Variants in ADGRD2 observed in about 807,000 individuals in gnomAD.
The protein encoded by ADGRD2 is G protein-coupled receptor PGR24.
Under a neutral mutation model 44.4 loss-of-function variants are expected in ADGRD2, and 71 were observed. The observed-to-expected ratio is 1.60, with a 90% CI of 1.32 to 1.95. ADGRD2 has a LOEUF of 1.95. ADGRD2 is among the 30% of genes most tolerant of loss of function. The probability of loss-of-function intolerance (pLI) is 0.00; values close to 1 mark genes in which losing one functional copy is unlikely to be tolerated. For synonymous variants in ADGRD2, 481 were observed against 224.8 expected (o/e 2.14, Z -10.19); for missense variants, 1,039 against 512.4 (o/e 2.03, Z -9.92).
chr9:124,473,267 C>A (rs979424599), intron 17 of ADGRD2, among the ~76,000 whole-genome samples: 1 of 152,242 alleles, frequency 6.6e-6, no homozygotes, highest in African/African-American at 2.4e-5. Flanking sequence ...CTCATTCACT[C>A]TCTAGGAGTA....
chr9:124,474,671 A>G (rs1037059086), intron 17 of ADGRD2, among the ~76,000 whole-genome samples: 1 of 152,122 alleles, frequency 6.6e-6, no homozygotes, highest in Non-Finnish European at 1.5e-5. Context: ...TGCCTGTGAC[A>G]CTGCCTAGGA....
intron 21 of ADGRD2, chr9:124,477,061 G>T (rs1332723440): frequency 1.8e-6 from 1 of 553,168 alleles, no homozygotes; most frequent in East Asian, 4.6e-5. Context: ...TGCCCCCTAA[G>T]CCCAGCACCC....
intron 17 of ADGRD2, among the ~76,000 whole-genome samples, 196 bp downstream of exon 20, chr9:124,470,810 G>A (rs547144576): frequency 2.6e-4 from 39 of 152,348 alleles, no homozygotes; most frequent in African/African-American, 3.8e-4. Context: ...CCAGCGGTTC[G>A]TGCAGGAGGC....
chr9:124,460,388 A>ATAT (rs33991643), intron 10 of ADGRD2, among the ~76,000 whole-genome samples: 138 of 145,172 alleles, frequency 9.5e-4, no homozygotes, highest in African/African-American at 2.2e-3. Flanking sequence ...ATATATATAT[A>ATAT]TTTTTTTTTA....
chr9:124,458,174 A>G (rs1201563531), exon 9 of ADGRD2: 1 of 718,338 alleles, frequency 1.4e-6, no homozygotes, highest in African/African-American at 1.7e-5. Flanking sequence ...AGCACACCCT[A>G]GAGGGACCGG....
At chr9:124,458,697 C>A in exon 10 of ADGRD2, 1 of 718,608 alleles carries the variant, frequency 1.4e-6, no homozygotes, top group Non-Finnish European at 2.6e-6. Flanking sequence ...TGGCCATGAC[C>A]TTTCATCTCC....
chr9:124,475,371 A>C, intron 17 of ADGRD2, 75 bp from the exon 21 acceptor site: 1 of 672,296 alleles, frequency 1.5e-6, no homozygotes, highest in Non-Finnish European at 2.7e-6. Context: ...AGGCGCCGGG[A>C]CCCCAGGCAA....
rs1211753024 is a variant in ADGRD2 at position 124,458,319 on chromosome 9, T to C, written c.1764+83T>C. On this transcript the variant is annotated intron_variant, in intron 9 of 21. Transcript: ENST00000334810. ...CAAAGCCCCCGTTCTGGTGGGCGCATGTGTCCTTAGCAGCCCAGGGCCCAC... is the reference window on the plus strand; with the variant it reads ...CAAAGCCCCCGTTCTGGTGGGCGCACGTGTCCTTAGCAGCCCAGGGCCCAC... 16 of 691,888 alleles carry C rather than the reference T, an allele frequency of 2.3e-5. No individual in the cohort carries two copies. The South Asian group carries it at 2.3e-4, about 10-fold the overall frequency. The allele number at this position is 691,888 out of a possible 1,614,324, so 42.9% of individuals were successfully genotyped here.
chr9:124,477,069 C>T (rs199611182), intron 21 of ADGRD2: 59 of 535,104 alleles, frequency 1.1e-4, no homozygotes, highest in African/African-American at 3.0e-4. Flanking sequence ...AAGCCCAGCA[C>T]CCCCCGTCAC....
Position 124,469,557 on chromosome 9 carries a change from C to T in ADGRD2, c.2637+10C>T, listed in dbSNP as rs954379536. On this transcript the variant is annotated intron_variant, in intron 16 of 21. Transcript: ENST00000334810. Reference sequence around the variant, plus strand: ...TCTGGACCCAGATATGGTGAGGCCCCAGAATGGGGGGCCAGCAGGAAGCAG... The same window carrying T: ...TCTGGACCCAGATATGGTGAGGCCCTAGAATGGGGGGCCAGCAGGAAGCAG... 1.4e-6 allele frequency: 1 copy of T among 717,510 alleles called. No individual in the cohort carries two copies. The highest frequency in any genetic ancestry group is 2.6e-6 in the Non-Finnish European group (1 of 384,890). The allele number at this position is 717,510 out of a possible 1,614,324, so 44.4% of individuals were successfully genotyped here.
At chr9:124,460,304 G>T (rs972272194) in intron 10 of ADGRD2, among the ~76,000 whole-genome samples, 12 of 150,590 alleles carry the variant, frequency 8.0e-5, no homozygotes, top group African/African-American at 2.0e-4. Context: ...CCGGGTCCAA[G>T]CCATTCTCCT....
intron 10 of ADGRD2, among the ~76,000 whole-genome samples, chr9:124,460,153 G>T (rs959903504): frequency 1.3e-5 from 2 of 151,360 alleles, no homozygotes; most frequent in Non-Finnish European, 2.9e-5. Context: ...CGTCAGAATG[G>T]GGCTGCGGGT....
At chr9:124,476,680 C>T (rs941957405) in exon 21 of ADGRD2, 26 of 702,284 alleles carry the variant, frequency 3.7e-5, no homozygotes, top group African/African-American at 5.2e-5. Flanking sequence ...TGTCCTCAGG[C>T]TGTGGAACTG....
rs759282972 is a variant in ADGRD2 at position 124,454,991 on chromosome 9, G to A, written c.1259G>A (p.Arg420Lys). The change falls in exon 6 of 22, where the codon AGG (arginine) becomes AAG (lysine). Residue 420 changes from arginine (R) to lysine (K), a missense_variant. Transcript: ENST00000334810. The surrounding 1 kb of genome is among the most constrained non-coding windows in gnomAD (Gnocchi z 4.5). ...CTGGCTGTTGTCCGCTTCCTGAAGA[G>A]GGTGGTGGCCCTCGGGGCTGGGGAC... The A allele has an allele frequency of 2.2e-5, 16 of 718,254 alleles. No homozygotes were observed. The African/African-American group carries it at 2.8e-4, about 13-fold the overall frequency. 44.5% of individuals were successfully genotyped at this position (718,254 alleles called of 1,614,324 possible). A position where few individuals can be genotyped will look rare whatever the true frequency, so the allele number is the denominator to read the frequency against.
chr9:124,471,973 T>C (rs114105785), intron 17 of ADGRD2, among the ~76,000 whole-genome samples: 2,748 of 152,334 alleles, frequency 0.018, 98 homozygotes, highest in African/African-American at 0.063. Flanking sequence ...CTGGCGAGGC[T>C]TCTCCACCTG....
Position 124,470,497 on chromosome 9 carries a change from C to T in ADGRD2, c.2643C>T (p.Ala881=), listed in dbSNP as rs181925501. 1.2e-3 allele frequency: 830 copies of T among 710,302 alleles called. 3 individuals are homozygous for T. The African/African-American group carries it at 0.013, about 11-fold the overall frequency. 44.0% of individuals were successfully genotyped at this position (710,302 alleles called of 1,614,324 possible). Residue 881 remains alanine, a synonymous_variant, in exon 17 of 22, where the codon GCC becomes GCT. Coordinates refer to ENST00000334810, the Ensembl canonical transcript of ADGRD2. ...AGCCCTGCCTGCCCTCCTACAGGGC[C>T]ACGGTGAAGCCCGTGCTGGTCCTGC...
chr9:124,458,371 C>T, intron 9 of ADGRD2, 135 bp downstream of exon 12: 1 of 623,326 alleles, frequency 1.6e-6, no homozygotes, highest in East Asian at 2.7e-5. Context: ...CCAACACACA[C>T]ACACTTCTGC....
At chr9:124,451,649 T>A (rs1831471963), upstream of ADGRD2, 2 of 266,496 alleles carry the variant, frequency 7.5e-6, no homozygotes, top group Non-Finnish European at 1.5e-5. Context: ...GTCTGTCACC[T>A]GCTCCGTTGG....
intron 17 of ADGRD2, 51 bp downstream of exon 20, chr9:124,470,665 T>C: frequency 1.5e-6 from 1 of 671,390 alleles, no homozygotes; most frequent in Non-Finnish European, 2.8e-6. Flanking sequence ...GCACGAAAGC[T>C]CAGAGGGGAC....
Sources: gnomAD v4.1 joint callset for allele counts (sites outside exome capture counted in the v4.1 genomes callset) on GRCh38, gnomAD v4.1.1 for gene constraint, Gnocchi (gnomAD v3.1) non-coding constraint, MANE v1.5 for transcripts, NCBI Gene and HGNC (gene_info 2026-07-23, HGNC 2026-07-21) for gene names.